The following SPOCK1 variants were observed in gnomAD, a reference collection of about 807,000 sequenced individuals.
The protein encoded by SPOCK1 is testican-1.
SPOCK1 carries 23 observed loss-of-function variants against 55.3 expected under a neutral mutation model. The observed-to-expected ratio is 0.42, with a 90% CI of 0.30 to 0.59. The LOEUF is 0.59. Among genes scored for constraint, SPOCK1 ranks in the 20% least tolerant of loss-of-function variants. SPOCK1 has a pLI of 0.22. For missense variants in SPOCK1, 499 were observed against 552.5 expected (o/e 0.90, Z 0.97); for synonymous variants, 226 against 221.0 (o/e 1.02, Z -0.20).
chr5:137,154,445 AG>A (rs1200471395), intron 3 of SPOCK1, among the ~76,000 whole-genome samples: 1 of 152,130 alleles, frequency 6.6e-6, no homozygotes, highest in African/African-American at 2.4e-5. Flanking sequence ...ATCCCAGGAG[AG>A]GGATTGCAAG....
chr5:137,300,200 T>G (rs1214420167), intron 2 of SPOCK1, among the ~76,000 whole-genome samples: 1 of 152,200 alleles, frequency 6.6e-6, no homozygotes, highest in Non-Finnish European at 1.5e-5. Flanking sequence ...CTGATAAAAT[T>G]TTCATTTCAG....
Position 136,976,483 on chromosome 5 carries a change from A to G in SPOCK1, c.*2171T>C, listed in dbSNP as rs1750617179. 1 of 152,620 alleles carries G rather than the reference A, an allele frequency of 6.6e-6. No homozygotes were observed. Among genetic ancestry groups the G allele is most frequent in the Non-Finnish European group, 1.5e-5 (1 of 68,024 alleles). 9.5% of individuals were successfully genotyped at this position (152,620 alleles called of 1,614,324 possible). A position where few individuals can be genotyped will look rare whatever the true frequency, so the allele number is the denominator to read the frequency against. On this transcript the variant is annotated 3_prime_UTR_variant, in exon 11 of 11. Transcript: ENST00000394945. ...CTGTTCCTAGAAGTTTTTCTAAGTG[A>G]AATCAATTTTTCAATTTTAATTTGT...
chr5:137,455,281 A>G (rs923121732), intron 2 of SPOCK1, among the ~76,000 whole-genome samples: 2 of 152,208 alleles, frequency 1.3e-5, no homozygotes, highest in African/African-American at 4.8e-5. Flanking sequence ...AAGTTATCTG[A>G]GGCCAGAAAA....
intron 2 of SPOCK1, among the ~76,000 whole-genome samples, chr5:137,385,647 A>C (rs959053436): frequency 2.6e-5 from 4 of 152,172 alleles, no homozygotes; most frequent in Non-Finnish European, 5.9e-5. Flanking sequence ...TCCTGCACAG[A>C]CTTCTGGTCC....
At chr5:137,448,248 C>CA (rs201769350) in intron 2 of SPOCK1, among the ~76,000 whole-genome samples, 2 of 152,132 alleles carry the variant, frequency 1.3e-5, no homozygotes, top group Admixed American at 6.5e-5. Flanking sequence ...GACTTCATCT[C>CA]AAAAAAAATT....
At chr5:137,082,646 G>A (rs1242566945) in intron 5 of SPOCK1, among the ~76,000 whole-genome samples, 1 of 152,166 alleles carries the variant, frequency 6.6e-6, no homozygotes, top group Non-Finnish European at 1.5e-5. Flanking sequence ...ACTTTTGAGG[G>A]TCAATCAGCC....
At position 137,267,027 on chromosome 5, in the gene SPOCK1, T is replaced by C. The variant is rs752921402; in HGVS notation, c.215A>G (p.Asn72Ser). Residue 72 changes from asparagine (N) to serine (S), a missense_variant, in exon 3 of 11, where the codon AAC (asparagine) becomes AGC (serine). This residue lies in a region of SPOCK1 where 386 missense variants were observed against 400.6 expected (regional missense o/e 0.96). Coordinates refer to ENST00000394945, the MANE Select transcript of SPOCK1 (RefSeq NM_004598.4). ...DDDYFRNWNP[N>S]KPFDQALDPS... ...TCCATTACCTTGGTCAAAGGGCTTG[T>C]TGGGATTCCAGTTTCTGAAATAATC... 5.0e-6 allele frequency: 8 copies of C among 1,613,110 alleles called. No individual in the cohort carries two copies. Among genetic ancestry groups the C allele is most frequent in the Admixed American group, 1.7e-5 (1 of 59,994 alleles).
At chr5:137,000,433 T>C (rs537581755) in intron 6 of SPOCK1, among the ~76,000 whole-genome samples, 47 of 152,112 alleles carry the variant, frequency 3.1e-4, no homozygotes, top group African/African-American at 1.1e-3. Context: ...CATCATGGCA[T>C]TCTCAGGCTG....
intron 3 of SPOCK1, among the ~76,000 whole-genome samples, chr5:137,192,129 T>C (rs995020265): frequency 6.8e-6 from 1 of 147,822 alleles, no homozygotes; most frequent in African/African-American, 2.5e-5. Flanking sequence ...TCCCAGCTAC[T>C]CGGGAGGCTG....
intron 2 of SPOCK1, among the ~76,000 whole-genome samples, chr5:137,476,524 T>C (rs1464648731): frequency 2.0e-5 from 3 of 152,176 alleles, no homozygotes; most frequent in Non-Finnish European, 4.4e-5. Context: ...GGAGGGGACC[T>C]TAACATTTTC....
intron 3 of SPOCK1, among the ~76,000 whole-genome samples, chr5:137,260,186 C>T (rs1013303846): frequency 1.1e-4 from 16 of 152,140 alleles, no homozygotes; most frequent in Non-Finnish European, 4.4e-5. Context: ...AGAGCCATGT[C>T]CCACCTCAGC....
chr5:137,097,803 C>G (rs1650818127), intron 5 of SPOCK1, among the ~76,000 whole-genome samples: 2 of 152,204 alleles, frequency 1.3e-5, no homozygotes, highest in South Asian at 4.1e-4. Context: ...TTGGGTGCTG[C>G]CACGGGATTA....
At chr5:137,183,985 G>T (rs934909330) in intron 3 of SPOCK1, among the ~76,000 whole-genome samples, 2 of 152,178 alleles carry the variant, frequency 1.3e-5, no homozygotes, top group African/African-American at 4.8e-5. Flanking sequence ...AACACACTTA[G>T]CACAGTGGCT....
intron 6 of SPOCK1, among the ~76,000 whole-genome samples, chr5:137,021,524 A>G (rs1751571792): frequency 6.6e-6 from 1 of 152,198 alleles, no homozygotes; most frequent in South Asian, 2.1e-4. Context: ...TTTATCCCTT[A>G]CACACATTTC....
chr5:137,388,400 C>T (rs189691466), intron 2 of SPOCK1, among the ~76,000 whole-genome samples: 105 of 81,632 alleles, frequency 1.3e-3, no homozygotes, highest in African/African-American at 4.7e-3. Context: ...GGGTATGTGG[C>T]GGGAGGGAGG....
chr5:137,289,691 A>G (rs965176820), intron 2 of SPOCK1, among the ~76,000 whole-genome samples: 1 of 152,206 alleles, frequency 6.6e-6, no homozygotes, highest in Admixed American at 6.5e-5. Context: ...AATAAAATTC[A>G]TAAAGCATCT....
At chr5:137,365,518 T>C (rs1291925775) in intron 2 of SPOCK1, 2 of 152,230 alleles carry the variant, frequency 1.3e-5, no homozygotes, top group African/African-American at 2.4e-5. Context: ...GGAACACCAA[T>C]GCTGGGGCAA....
intron 4 of SPOCK1, among the ~76,000 whole-genome samples, chr5:137,132,987 A>T (rs1419760917): frequency 2.0e-5 from 3 of 152,228 alleles, no homozygotes; most frequent in Non-Finnish European, 4.4e-5. Context: ...TGGTACTGAA[A>T]GCAAGGCTTA....
At chr5:137,396,974 C>G (rs920778679) in intron 2 of SPOCK1, among the ~76,000 whole-genome samples, 2 of 152,180 alleles carry the variant, frequency 1.3e-5, no homozygotes, top group African/African-American at 2.4e-5. Context: ...ACTTTTGCAA[C>G]CATCAACACC....
Sources: gnomAD v4.1 joint callset for allele counts (sites outside exome capture counted in the v4.1 genomes callset) on GRCh38, gnomAD v4.1.1 for gene constraint, gnomAD v4.1.1 regional missense constraint, MANE v1.5 for transcripts, NCBI Gene and HGNC (gene_info 2026-07-23, HGNC 2026-07-21) for gene names.